The following NAALADL2 variants were observed in gnomAD, a reference collection of about 807,000 sequenced individuals.
The protein encoded by NAALADL2 is inactive N-acetylated-alpha-linked acidic dipeptidase-like protein 2.
Under a neutral mutation model 87.2 loss-of-function variants are expected in NAALADL2, and 76 were observed. The observed-to-expected ratio is 0.87, with a 90% CI of 0.72 to 1.05. The LOEUF is 1.05. Ranked by LOEUF, NAALADL2 falls within the 50% of genes least tolerant of loss-of-function variation. The probability of loss-of-function intolerance (pLI) is 0.00; values close to 1 mark genes in which losing one functional copy is unlikely to be tolerated. For missense variants in NAALADL2, 1,089 were observed against 945.8 expected (o/e 1.15, Z -1.99); for synonymous variants, 354 against 331.0 (o/e 1.07, Z -0.75).
chr3:174,824,141 G>A (rs1421612265), intron 3 of NAALADL2, among the ~76,000 whole-genome samples: 1 of 152,006 alleles, frequency 6.6e-6, no homozygotes, highest in Non-Finnish European at 1.5e-5. Flanking sequence ...CACTTTATTA[G>A]GATCATAGCT....
At chr3:175,759,438 A>G (rs989498452) in intron 13 of NAALADL2, among the ~76,000 whole-genome samples, 1 of 148,210 alleles carries the variant, frequency 6.7e-6, no homozygotes, top group Admixed American at 6.9e-5. Flanking sequence ...GCTCACCACT[A>G]CCTCCACCTC....
intron 11 of NAALADL2, among the ~76,000 whole-genome samples, chr3:175,650,909 G>T (rs990602079): frequency 3.3e-5 from 5 of 152,156 alleles, no homozygotes; most frequent in African/African-American, 1.2e-4. Flanking sequence ...TTGGATTCAA[G>T]TCCTAGCTCT....
At position 174,557,223 on chromosome 3, in the gene NAALADL2, A is replaced by T. The variant is rs149991045; in HGVS notation, c.-115+6586A>T. On this transcript the variant is annotated intron_variant, in intron 2 of 3. Coordinates refer to the NAALADL2 transcript ENST00000434257. The stretch of plus-strand genomic sequence containing the variant: ...TAATAATAAAAACTCGATTTTCTTA[A>T]TCATTGACCTACACGAAATAGTTGA... Among the ~76,000 whole-genome samples the T allele has an allele frequency of 5.9e-5, 9 of 152,236 alleles. 1 individual carries two copies. In the East Asian group the frequency reaches 1.5e-3, roughly 26 times the overall value.
intron 5 of NAALADL2, among the ~76,000 whole-genome samples, chr3:175,434,636 TAAC>T (rs1023971625): frequency 9.2e-5 from 14 of 152,088 alleles, no homozygotes; most frequent in Admixed American, 2.0e-4. Context: ...CATACTTTTA[TAAC>T]AACAACAAGA....
At chr3:175,293,514 T>C (rs1030382744) in intron 4 of NAALADL2, among the ~76,000 whole-genome samples, 4 of 152,146 alleles carry the variant, frequency 2.6e-5, no homozygotes, top group Admixed American at 1.3e-4. Context: ...ACTGCTATGG[T>C]TTGAATATTT....
chr3:174,991,243 A>T (rs989234184), intron 1 of NAALADL2, among the ~76,000 whole-genome samples: 1 of 152,072 alleles, frequency 6.6e-6, no homozygotes, highest in African/African-American at 2.4e-5. Flanking sequence ...GCTGTTGTAG[A>T]ACAGTAAATA....
chr3:175,008,694 T>C (rs916377008), intron 1 of NAALADL2, among the ~76,000 whole-genome samples: 3 of 152,166 alleles, frequency 2.0e-5, no homozygotes, highest in African/African-American at 7.2e-5. Context: ...CTTCATGTTC[T>C]AGGCTATAGG....
intron 11 of NAALADL2, among the ~76,000 whole-genome samples, chr3:175,730,411 T>TATATATATATATATATATATATAG (rs1743540561): frequency 3.6e-5 from 3 of 84,318 alleles, no homozygotes; most frequent in Non-Finnish European, 7.6e-5. Context: ...TATATATATA[T>TATATATATATATATATATATATAG]ATATATATAT....
intron 1 of NAALADL2, among the ~76,000 whole-genome samples, chr3:174,506,918 T>C (rs746827951): frequency 1.2e-4 from 18 of 152,132 alleles, no homozygotes; most frequent in Non-Finnish European, 2.5e-4. Context: ...AATAACTCCT[T>C]GTATTTATTA....
At chr3:175,265,535 C>G (rs1312949933) in intron 4 of NAALADL2, among the ~76,000 whole-genome samples, 1 of 151,508 alleles carries the variant, frequency 6.6e-6, no homozygotes, top group Non-Finnish European at 1.5e-5. Context: ...ATTATTATTA[C>G]TATCTTGCTT....
intron 1 of NAALADL2, among the ~76,000 whole-genome samples, chr3:175,068,120 A>C (rs977992926): frequency 6.6e-6 from 1 of 152,038 alleles, no homozygotes; most frequent in Admixed American, 6.6e-5. Flanking sequence ...GCAAAGGCTG[A>C]AAAACTACCT....
intron 9 of NAALADL2, among the ~76,000 whole-genome samples, chr3:175,568,360 T>C (rs1560772963): frequency 6.6e-6 from 1 of 152,096 alleles, no homozygotes; most frequent in African/African-American, 2.4e-5. Context: ...TAAATAAGTA[T>C]TGAAGAAAAA....
intron 11 of NAALADL2, among the ~76,000 whole-genome samples, chr3:175,693,794 G>A (rs576285135): frequency 1.1e-4 from 17 of 152,230 alleles, no homozygotes; most frequent in African/African-American, 4.1e-4. Context: ...CCCGACCCGG[G>A]TTCAAGCGAT....
chr3:175,071,197 C>G (rs918766959), intron 1 of NAALADL2, among the ~76,000 whole-genome samples: 4 of 152,236 alleles, frequency 2.6e-5, no homozygotes, highest in African/African-American at 9.6e-5. Context: ...CAATAAATAA[C>G]ACATGCCAAT....
chr3:174,524,979 C>T (rs1195989045), intron 1 of NAALADL2, among the ~76,000 whole-genome samples: 4 of 152,112 alleles, frequency 2.6e-5, no homozygotes, highest in Admixed American at 1.3e-4. Flanking sequence ...TTACAGTTGC[C>T]TAGAGTATTC....
At chr3:175,115,936 C>T (rs933051408) in intron 2 of NAALADL2, among the ~76,000 whole-genome samples, 10 of 151,788 alleles carry the variant, frequency 6.6e-5, no homozygotes, top group Non-Finnish European at 1.5e-4. Flanking sequence ...TCAACATATG[C>T]AAATCAATAA....
chr3:175,343,693 A>G (rs1252505684), intron 5 of NAALADL2, among the ~76,000 whole-genome samples: 2 of 93,278 alleles, frequency 2.1e-5, no homozygotes, highest in East Asian at 8.1e-4. Context: ...CCACTGATCA[A>G]ACTAGGAAAC....
chr3:174,718,154 A>G (rs1731381357), intron 2 of NAALADL2, among the ~76,000 whole-genome samples: 2 of 152,172 alleles, frequency 1.3e-5, no homozygotes, highest in East Asian at 1.9e-4. Context: ...CAAAAAGGAA[A>G]TCTCCTCCTT....
chr3:175,301,180 A>G (rs577446122), intron 4 of NAALADL2, among the ~76,000 whole-genome samples: 60 of 152,088 alleles, frequency 3.9e-4, no homozygotes, highest in Middle Eastern at 3.4e-3. Context: ...AGTTCTTTAT[A>G]TCTTTCCTGC....
Sources: gnomAD v4.1 joint callset for allele counts (sites outside exome capture counted in the v4.1 genomes callset) on GRCh38, gnomAD v4.1.1 for gene constraint, MANE v1.5 for transcripts, NCBI Gene and HGNC (gene_info 2026-07-23, HGNC 2026-07-21) for gene names.